VPS53: variants seen among roughly 807,000 people sequenced by gnomAD.
The protein encoded by VPS53 is vacuolar protein sorting-associated protein 53 homolog.
In VPS53, 70 loss-of-function variants were observed where a neutral mutation model predicts 107.0. The ratio of observed to expected loss-of-function variants is 0.65; its 90% CI spans 0.54 to 0.80. The LOEUF (loss-of-function observed/expected upper bound fraction) is 0.80, where lower values mean the gene tolerates loss of function less well. Among genes scored for constraint, VPS53 ranks in the 30% least tolerant of loss-of-function variants. The pLI, the probability that VPS53 is intolerant of heterozygous loss-of-function variation, is 0.00. For missense variants in VPS53, 917 were observed against 1,049.4 expected (o/e 0.87, Z 1.74); for synonymous variants, 409 against 393.3 (o/e 1.04, Z -0.47).
chr17:553,532 T>A, intron 15 of VPS53, 70 bp from the exon 16 acceptor site: 1 of 1,169,416 alleles, frequency 8.6e-7, no homozygotes. Context: ...CAATAATAGT[T>A]AACATTTACT....
chr17:704,807 G>A (rs1348980000), intron 2 of VPS53, among the ~76,000 whole-genome samples: 1 of 152,166 alleles, frequency 6.6e-6, no homozygotes, highest in East Asian at 1.9e-4. Flanking sequence ...CAAGAGGTGA[G>A]AACCTGGTGG....
intron 7 of VPS53, 26 bp from the exon 8 acceptor site, chr17:631,654 C>CA: frequency 1.2e-6 from 2 of 1,603,532 alleles, no homozygotes; most frequent in Non-Finnish European, 1.7e-6. Context: ...AACATATCAT[C>CA]ACCTGGCATC....
chr17:626,689 G>C (rs1969722796), intron 10 of VPS53, among the ~76,000 whole-genome samples: 1 of 152,088 alleles, frequency 6.6e-6, no homozygotes, highest in Non-Finnish European at 1.5e-5. Flanking sequence ...TAAAAGCTCT[G>C]AACTATCCAG....
intron 13 of VPS53, among the ~76,000 whole-genome samples, chr17:584,456 C>T (rs1357478874): frequency 1.3e-5 from 2 of 152,090 alleles, no homozygotes; most frequent in African/African-American, 2.4e-5. Context: ...GAAACCTGGC[C>T]GCAGTGAGAT....
At chr17:560,378 G>C (rs1302381305) in intron 15 of VPS53, 48 bp downstream of exon 15, 1 of 1,590,126 alleles carries the variant, frequency 6.3e-7, no homozygotes, top group Admixed American at 1.7e-5. Context: ...ACGCAGCCCA[G>C]AGGGTTCAGG....
At chr17:546,870 CTTTTTTTT>C (rs60940748) in intron 17 of VPS53, among the ~76,000 whole-genome samples, 1 of 83,334 alleles carries the variant, frequency 1.2e-5, no homozygotes, top group Non-Finnish European at 2.2e-5. Flanking sequence ...CCCTTAGATC[CTTTTTTTT>C]TTTTTTTTTT....
chr17:694,433 A>G (rs1972877094), intron 4 of VPS53, among the ~76,000 whole-genome samples: 1 of 152,206 alleles, frequency 6.6e-6, no homozygotes. Context: ...ATACACATCT[A>G]TTATGCACAG....
At chr17:697,312 G>A in intron 4 of VPS53, 106 bp downstream of exon 4, 2 of 943,670 alleles carry the variant, frequency 2.1e-6, no homozygotes, top group Middle Eastern at 2.1e-4. Flanking sequence ...GTATGAAACG[G>A]ATCAATCGGA....
intron 15 of VPS53, among the ~76,000 whole-genome samples, chr17:557,351 C>T (rs559746653): frequency 2.6e-5 from 4 of 152,266 alleles, no homozygotes; most frequent in East Asian, 1.9e-4. Context: ...TAAGGCCCCC[C>T]ACCAATCCTA....
intron 5 of VPS53, chr17:657,172 T>C: frequency 1.3e-6 from 2 of 1,518,772 alleles, no homozygotes; most frequent in African/African-American, 1.4e-5. Context: ...AGTCACCAGA[T>C]GAGGGATTCC....
chr17:636,257 C>T (rs982399493), intron 7 of VPS53, among the ~76,000 whole-genome samples: 4 of 152,208 alleles, frequency 2.6e-5, no homozygotes, highest in Non-Finnish European at 5.9e-5. Flanking sequence ...GATTTTTGCA[C>T]ACTGATTTTG....
Position 519,885 on chromosome 17 carries a change from A to T in VPS53, c.2269T>A (p.Tyr757Asn). The change falls in exon 21 of 22, where the codon TAC becomes AAC. Residue 757 changes from tyrosine to asparagine, a missense_variant. Tyr to Asn is a moderately radical substitution (Grantham distance 143). Coordinates refer to ENST00000437048, the MANE Select transcript of VPS53 (RefSeq NM_001128159.3). The surrounding 1 kb of genome is among the most constrained non-coding windows in gnomAD (Gnocchi z 5.0). ...TTGCAGTCTGTGAGAAGTTTGATGTAGTTGTCAACAAACACCACCAACGGT... is the reference window on the plus strand; with the variant it reads ...TTGCAGTCTGTGAGAAGTTTGATGTTGTTGTCAACAAACACCACCAACGGT... ...HEPLVVFVDN[Y>N]IKLLTDCNTE... The T allele has an allele frequency of 6.4e-7, 1 of 1,551,660 alleles. No homozygotes were observed. The highest frequency in any genetic ancestry group is 8.7e-7 in the Non-Finnish European group (1 of 1,146,970).
At chr17:613,146 C>T (rs1375602962) in intron 11 of VPS53, among the ~76,000 whole-genome samples, 1 of 149,260 alleles carries the variant, frequency 6.7e-6, no homozygotes, top group Non-Finnish European at 1.5e-5. Context: ...AAAACCTGTA[C>T]AGATATTCAC....
At chr17:690,313 G>A (rs561821224) in intron 4 of VPS53, among the ~76,000 whole-genome samples, 6 of 152,354 alleles carry the variant, frequency 3.9e-5, no homozygotes, top group Non-Finnish European at 8.8e-5. Flanking sequence ...TTAAATGAAA[G>A]TCATATGAAG....
chr17:690,762 G>T (rs970967761), intron 4 of VPS53, among the ~76,000 whole-genome samples: 11 of 147,488 alleles, frequency 7.5e-5, no homozygotes, highest in African/African-American at 2.4e-4. Flanking sequence ...GGTAATGGAA[G>T]AACAATGTCT....
intron 19 of VPS53, 180 bp downstream of exon 19, chr17:532,662 A>G (rs1909684421): frequency 2.9e-6 from 4 of 1,402,188 alleles, no homozygotes; most frequent in Non-Finnish European, 2.8e-6. Flanking sequence ...CGTTCAAACA[A>G]AATTTTTAAA....
At chr17:695,572 C>T (rs1385134640) in intron 4 of VPS53, among the ~76,000 whole-genome samples, 1 of 151,212 alleles carries the variant, frequency 6.6e-6, no homozygotes, top group Admixed American at 6.6e-5. Context: ...TTTTTTTAAA[C>T]AGGGTCTCAC....
At chr17:614,122 T>C (rs912824192) in intron 11 of VPS53, among the ~76,000 whole-genome samples, 1 of 152,224 alleles carries the variant, frequency 6.6e-6, no homozygotes, top group African/African-American at 2.4e-5. Flanking sequence ...GAAAGAGAAC[T>C]TGAAAGTCCT....
chr17:689,672 C>T (rs779764396), intron 4 of VPS53, among the ~76,000 whole-genome samples: 1 of 152,044 alleles, frequency 6.6e-6, no homozygotes, highest in Non-Finnish European at 1.5e-5. Flanking sequence ...CCAGGTTTCC[C>T]CATGTTGGCC....
Sources: gnomAD v4.1 joint callset for allele counts (sites outside exome capture counted in the v4.1 genomes callset) on GRCh38, gnomAD v4.1.1 for gene constraint, Gnocchi (gnomAD v3.1) non-coding constraint, MANE v1.5 for transcripts, NCBI Gene and HGNC (gene_info 2026-07-23, HGNC 2026-07-21) for gene names.